RRP1B: variants seen among roughly 807,000 people sequenced by gnomAD.
RRP1B encodes the protein ribosomal RNA processing 1B, also known as ribosomal RNA processing protein 1 homolog B.
A neutral mutation model predicts 80.2 loss-of-function variants in RRP1B; 56 were observed. That is an observed-to-expected ratio of 0.70 (90% CI 0.56 to 0.87). RRP1B has a LOEUF of 0.87. Ranked by LOEUF, RRP1B falls within the 40% of genes least tolerant of loss-of-function variation. RRP1B has a pLI of 0.00. For missense variants in RRP1B, 807 were observed against 939.8 expected, an observed-to-expected ratio of 0.86 and a Z score of 1.85; for synonymous variants, 351 against 357.6, an observed-to-expected ratio of 0.98 and a Z score of 0.21.
At position 43,676,401 on chromosome 21, in the gene RRP1B, C is replaced by T. The variant is rs1050039932; in HGVS notation, c.614+65C>T. The T allele has an allele frequency of 1.6e-5, 20 of 1,274,062 alleles. No individual in the cohort carries two copies. In the African/African-American group the frequency reaches 2.3e-4, roughly 15 times the overall value. The allele number at this position is 1,274,062 out of a possible 1,614,324, so 78.9% of individuals were successfully genotyped here. On this transcript the variant is annotated intron_variant, in intron 7 of 15. Transcript: ENST00000340648. ...TTTGCTCATGGGAGTTACTTGCCGTCGTGCAGCCTGGCACAGGGTACCCAG... is the reference window on the plus strand; with the variant it reads ...TTTGCTCATGGGAGTTACTTGCCGTTGTGCAGCCTGGCACAGGGTACCCAG...
Position 43,691,627 on chromosome 21 carries a change from C to A in RRP1B, c.2083+125C>A. ...GGTCCTAGCTCCTCACTGCCCATTT[C>A]TTTATTTTTATTTTTTTTTTTTTTT... On this transcript the variant is annotated intron_variant, in intron 15 of 15. Transcript: ENST00000340648. This position sits in a 1 kb window ranked among gnomAD's most constrained non-coding sequence, Gnocchi z 4.2. 1.3e-4 allele frequency: 76 copies of A among 605,902 alleles called. No individual in the cohort carries two copies. The highest frequency in any genetic ancestry group is 4.5e-4 in the Middle Eastern group (1 of 2,214). 37.5% of individuals were successfully genotyped at this position (605,902 alleles called of 1,614,324 possible). A position where few individuals can be genotyped will look rare whatever the true frequency, so the allele number is the denominator to read the frequency against.
At chr21:43,679,821 C>T (rs1420786140) in intron 8 of RRP1B, among the ~76,000 whole-genome samples, 1 of 152,144 alleles carries the variant, frequency 6.6e-6, no homozygotes, top group East Asian at 1.9e-4. Flanking sequence ...CTTCTTTCAG[C>T]AGTGTTTTGT....
chr21:43,686,102 CACA>C (rs991575645), intron 11 of RRP1B: 4 of 214,610 alleles, frequency 1.9e-5, no homozygotes, highest in African/African-American at 9.3e-5. Flanking sequence ...GCCTGGGTGA[CACA>C]ACAAGACCCC....
At chr21:43,666,300 C>T (rs1182414844) in intron 1 of RRP1B, among the ~76,000 whole-genome samples, 1 of 152,224 alleles carries the variant, frequency 6.6e-6, no homozygotes, top group Non-Finnish European at 1.5e-5. Context: ...CCTTGTAACA[C>T]AGGTGGAGCC....
intron 3 of RRP1B, 104 bp from the exon 4 acceptor site, chr21:43,673,766 G>A (rs2083009647): frequency 1.5e-6 from 1 of 657,454 alleles, no homozygotes; most frequent in Non-Finnish European, 2.6e-6. Flanking sequence ...ACTGAGAAAA[G>A]TGAATAATAA....
At chr21:43,669,552 A>T (rs1383280149) in intron 1 of RRP1B, among the ~76,000 whole-genome samples, 1 of 152,178 alleles carries the variant, frequency 6.6e-6, no homozygotes, top group East Asian at 1.9e-4. Flanking sequence ...AGTGTGCAGG[A>T]TGGCTGCACG....
intron 1 of RRP1B, among the ~76,000 whole-genome samples, chr21:43,668,307 C>T (rs1227445519): frequency 6.6e-6 from 1 of 150,914 alleles, no homozygotes; most frequent in Non-Finnish European, 1.5e-5. Context: ...TTAAGGTTAA[C>T]GCACTCTGAA....
intron 13 of RRP1B, 55 bp downstream of exon 13, chr21:43,688,295 A>T: frequency 1.4e-6 from 2 of 1,473,088 alleles, no homozygotes; most frequent in Non-Finnish European, 1.8e-6. Context: ...ACTCGCGTCC[A>T]TGGGGCTCCA....
At chr21:43,692,327 G>A (rs1010115663) in intron 15 of RRP1B, among the ~76,000 whole-genome samples, 6 of 152,260 alleles carry the variant, frequency 3.9e-5, no homozygotes, top group Middle Eastern at 3.4e-3. Flanking sequence ...TAGGCCAGGC[G>A]CGGTGGCTCA....
Position 43,691,354 on chromosome 21 carries a change from A to G in RRP1B, c.2020-85A>G. ...CAGCAGTGTGGGCGGCATACCCTCC[A>G]GGGCAGGTTCTCCAGAAAAATCTGA... On this transcript the variant is annotated intron_variant, in intron 14 of 15. Coordinates refer to ENST00000340648, the MANE Select transcript of RRP1B (RefSeq NM_015056.3). This position sits in a 1 kb window ranked among gnomAD's most constrained non-coding sequence, Gnocchi z 4.2. The G allele has an allele frequency of 7.8e-7, 1 of 1,279,622 alleles. No individual in the cohort carries two copies. The highest frequency in any genetic ancestry group is 1.1e-6 in the Non-Finnish European group (1 of 887,882). The allele number at this position is 1,279,622 out of a possible 1,614,324, so 79.3% of individuals were successfully genotyped here. A position where few individuals can be genotyped will look rare whatever the true frequency, so the allele number is the denominator to read the frequency against.
chr21:43,673,352 G>A (rs1367626924), intron 3 of RRP1B, among the ~76,000 whole-genome samples: 1 of 152,146 alleles, frequency 6.6e-6, no homozygotes, highest in Admixed American at 6.5e-5. Context: ...AAAAGACCAA[G>A]GCCAGGCACG....
chr21:43,667,814 G>A (rs1228306954), intron 1 of RRP1B, among the ~76,000 whole-genome samples: 1 of 152,186 alleles, frequency 6.6e-6, no homozygotes, highest in East Asian at 1.9e-4. Context: ...GAACCAGTTG[G>A]TACATCTTCT....
chr21:43,689,743 G>A (rs1054844166), intron 13 of RRP1B, among the ~76,000 whole-genome samples: 4 of 152,274 alleles, frequency 2.6e-5, no homozygotes. Flanking sequence ...CTGCCCTCCA[G>A]GCGGCACACT....
intron 6 of RRP1B, among the ~76,000 whole-genome samples, chr21:43,675,876 T>G (rs1046665089): frequency 6.6e-6 from 1 of 151,658 alleles, no homozygotes; most frequent in Non-Finnish European, 1.5e-5. Flanking sequence ...TTTATTTTAT[T>G]TTATTTTATT....
intron 1 of RRP1B, among the ~76,000 whole-genome samples, chr21:43,660,573 GAAAAGAA>G (rs911423856): frequency 5.1e-4 from 78 of 152,008 alleles, no homozygotes; most frequent in Middle Eastern, 3.2e-3. Context: ...AAAAAGAAAA[GAAAAGAA>G]AAAAGGAAAA....
intron 1 of RRP1B, among the ~76,000 whole-genome samples, chr21:43,663,444 A>T (rs976430300): frequency 2.6e-5 from 4 of 152,054 alleles, no homozygotes; most frequent in Non-Finnish European, 5.9e-5. Flanking sequence ...TTTAGTAGAG[A>T]CGGTGTTTCA....
At chr21:43,687,392 A>G (rs1372564304) in intron 12 of RRP1B, 124 bp from the exon 13 acceptor site, 3 of 1,160,518 alleles carry the variant, frequency 2.6e-6, no homozygotes, top group South Asian at 2.1e-5. Context: ...CAAGGGAGAC[A>G]GGAACTTTCC....
At position 43,693,119 on chromosome 21, in the gene RRP1B, C is replaced by T. The variant is rs191903285; in HGVS notation, c.2084-71C>T. ...GGGTGGGGTCGGCACCCAGGCAGGA[C>T]GCTGTCTAAGGTGTTGAAGGGACAG... On this transcript the variant is annotated intron_variant, in intron 15 of 15. Transcript: ENST00000340648. This position sits in a 1 kb window ranked among gnomAD's most constrained non-coding sequence, Gnocchi z 4.1. 2,177 of 1,519,484 alleles carry T rather than the reference C, an allele frequency of 1.4e-3. 2 individuals are homozygous for T. Among genetic ancestry groups the T allele is most frequent in the Non-Finnish European group, 1.5e-3 (1,611 of 1,105,798 alleles). 94.1% of individuals were successfully genotyped at this position (1,519,484 alleles called of 1,614,324 possible).
rs2083071223 is a variant in RRP1B at position 43,688,039 on chromosome 21, A to G, written c.1665A>G (p.Ala555=). ...AGGAAGGCCCTCCCACAGGCCCCGC[A>G]GAGGGGGCGAACAGCCACACCACGC... ...LQQEGPPTGP[A]EGANSHTTLP... Residue 555 remains alanine, a synonymous_variant, in exon 13 of 16, where the codon GCA becomes GCG. Transcript: ENST00000340648. The G allele has an allele frequency of 1.2e-6, 2 of 1,611,922 alleles. No individual in the cohort carries two copies. The highest frequency in any genetic ancestry group is 1.7e-5 in the Admixed American group (1 of 59,978).
Sources: allele counts gnomAD v4.1 joint callset (sites outside exome capture counted in the v4.1 genomes callset), GRCh38; gene constraint gnomAD v4.1.1; non-coding constraint Gnocchi (gnomAD v3.1); transcripts MANE v1.5; gene names NCBI Gene and HGNC (gene_info 2026-07-23, HGNC 2026-07-21).